PRDM16: variants seen among roughly 807,000 people sequenced by gnomAD.
PRDM16 encodes PR/SET domain 16.
Under a neutral mutation model 110.6 loss-of-function variants are expected in PRDM16, and 23 were observed. The ratio of observed to expected loss-of-function variants is 0.21; its 90% CI spans 0.15 to 0.29. PRDM16 has a LOEUF of 0.29. Among genes scored for constraint, PRDM16 ranks in the 10% least tolerant of loss-of-function variants. The pLI is 1.00. For synonymous variants in PRDM16, 799 were observed against 781.8 expected (o/e 1.02, Z -0.37); for missense variants, 1,615 against 1,794.3 (o/e 0.90, Z 1.81).
chr1:3,189,655 A>G (rs1405168464), intron 2 of PRDM16, among the ~76,000 whole-genome samples: 1 of 152,264 alleles, frequency 6.6e-6, no homozygotes, highest in African/African-American at 2.4e-5. Flanking sequence ...TAGTAAAGAT[A>G]ACAAGCAAAA....
At position 3,157,498 on chromosome 1, in the gene PRDM16, C is replaced by T. The variant is rs927936964; in HGVS notation, c.38-28627C>T. On this transcript the variant is annotated intron_variant, in intron 1 of 16. Coordinates refer to ENST00000270722, the MANE Select transcript of PRDM16 (RefSeq NM_022114.4). This position sits in a 1 kb window ranked among gnomAD's most constrained non-coding sequence, Gnocchi z 4.8. ...TCTTGAAAACAGACATGGGCCAGAT[C>T]CAGTTGTTTGGTAGGATAAGGTCTT... Among the ~76,000 whole-genome samples, 4 of 148,070 alleles carry T rather than the reference C, an allele frequency of 2.7e-5. No individual in the cohort carries two copies. Among genetic ancestry groups the T allele is most frequent in the African/African-American group, 7.6e-5 (3 of 39,734 alleles).
intron 1 of PRDM16, among the ~76,000 whole-genome samples, chr1:3,182,352 T>TGGAC (rs1160826404): frequency 2.6e-5 from 4 of 152,264 alleles, no homozygotes; most frequent in Non-Finnish European, 4.4e-5. Flanking sequence ...CCCTGGCAGG[T>TGGAC]GGACGGTGGT....
chr1:3,425,906 T>C lies in PRDM16; in HGVS notation c.3110-145T>C. On this transcript the variant is annotated intron_variant, in intron 13 of 16. Transcript: ENST00000270722. This position sits in a 1 kb window ranked among gnomAD's most constrained non-coding sequence, Gnocchi z 6.9. ...CAGGCACCCCTCAAACCGTGGTCAT[T>C]AAAGAGAACCTCGTGCTCTCCGGTG... The C allele has an allele frequency of 8.0e-7, 1 of 1,247,942 alleles. No homozygotes were observed. The allele number at this position is 1,247,942 out of a possible 1,614,324, so 77.3% of individuals were successfully genotyped here. A position where few individuals can be genotyped will look rare whatever the true frequency, so the allele number is the denominator to read the frequency against.
intron 2 of PRDM16, among the ~76,000 whole-genome samples, chr1:3,236,758 G>A (rs1012840637): frequency 2.9e-4 from 44 of 152,224 alleles, no homozygotes; most frequent in African/African-American, 9.4e-4. Context: ...TGTCAAATTC[G>A]GGAGGCTACT....
chr1:3,082,592 C>G (rs1220808231), intron 1 of PRDM16, among the ~76,000 whole-genome samples: 4 of 152,236 alleles, frequency 2.6e-5, no homozygotes, highest in African/African-American at 9.6e-5. Context: ...TCCTGGACTC[C>G]CTTGCTGGCA....
chr1:3,084,704 C>T lies in PRDM16; in HGVS notation c.37+15408C>T, dbSNP rs190424508. 1.8e-4 allele frequency among the ~76,000 whole-genome samples: 28 copies of T among 152,250 alleles called. No homozygotes were observed. The South Asian group carries it at 1.9e-3, about 10-fold the overall frequency. Reference sequence around the variant, plus strand: ...AGCGCTTATATCTAGGGCTCCCACCCGCTTCAAAAAACACAGTGGGGCAGA... The same window carrying T: ...AGCGCTTATATCTAGGGCTCCCACCTGCTTCAAAAAACACAGTGGGGCAGA... On this transcript the variant is annotated intron_variant, in intron 1 of 16. Coordinates refer to ENST00000270722, the MANE Select transcript of PRDM16 (RefSeq NM_022114.4).
intron 3 of PRDM16, among the ~76,000 whole-genome samples, chr1:3,374,083 A>G (rs1033321239): frequency 4.6e-5 from 7 of 152,178 alleles, no homozygotes; most frequent in Middle Eastern, 3.2e-3. Flanking sequence ...AGTGTGGTAT[A>G]TCGGCCAGCA....
At chr1:3,211,518 C>T (rs902241915) in intron 2 of PRDM16, among the ~76,000 whole-genome samples, 2 of 152,216 alleles carry the variant, frequency 1.3e-5, no homozygotes, top group Non-Finnish European at 2.9e-5. Context: ...GGGGCTGCAG[C>T]AGATTCGTGT....
chr1:3,271,101 T>C (rs1464485556), intron 3 of PRDM16, among the ~76,000 whole-genome samples: 2 of 152,176 alleles, frequency 1.3e-5, no homozygotes, highest in African/African-American at 4.8e-5. Flanking sequence ...GCAGGGGATA[T>C]GCGGTGGGAG....
At chr1:3,097,735 G>T (rs963997832) in intron 1 of PRDM16, among the ~76,000 whole-genome samples, 1 of 152,172 alleles carries the variant, frequency 6.6e-6, no homozygotes, top group African/African-American at 2.4e-5. Flanking sequence ...TCTCCCCGAG[G>T]CCTGGGAAGG....
chr1:3,276,555 G>T (rs187921865), intron 3 of PRDM16, among the ~76,000 whole-genome samples: 1 of 152,148 alleles, frequency 6.6e-6, no homozygotes, highest in African/African-American at 2.4e-5. Flanking sequence ...TAACTCCGCC[G>T]GTGTCTGACC....
chr1:3,304,970 C>G (rs542382158), intron 3 of PRDM16, among the ~76,000 whole-genome samples: 1 of 152,308 alleles, frequency 6.6e-6, no homozygotes, highest in East Asian at 1.9e-4. Context: ...GTGTCCCCAG[C>G]TGAAGCTGGA....
chr1:3,104,772 C>A (rs1342959650), intron 1 of PRDM16, among the ~76,000 whole-genome samples: 1 of 152,126 alleles, frequency 6.6e-6, no homozygotes, highest in East Asian at 1.9e-4. Flanking sequence ...CATTCCTGGG[C>A]CGTGGCCACC....
chr1:3,285,948 G>C (rs577472913), intron 3 of PRDM16, among the ~76,000 whole-genome samples: 34 of 152,316 alleles, frequency 2.2e-4, no homozygotes, highest in Non-Finnish European at 4.4e-4. Flanking sequence ...CCTGCGGCGT[G>C]ACACAAGGAA....
At chr1:3,315,283 T>C (rs1391162855) in intron 3 of PRDM16, among the ~76,000 whole-genome samples, 1 of 150,254 alleles carries the variant, frequency 6.7e-6, no homozygotes, top group Non-Finnish European at 1.5e-5. Flanking sequence ...CAAGCTGCCA[T>C]GGTTACTTTG....
chr1:3,130,046 C>A (rs1268182340), intron 1 of PRDM16, among the ~76,000 whole-genome samples: 1 of 152,176 alleles, frequency 6.6e-6, no homozygotes, highest in Non-Finnish European at 1.5e-5. Flanking sequence ...GGCCCAAGCA[C>A]CCCAGAGGGA....
At chr1:3,328,190 C>G (rs1418772775) in intron 3 of PRDM16, among the ~76,000 whole-genome samples, 1 of 152,256 alleles carries the variant, frequency 6.6e-6, no homozygotes, top group Non-Finnish European at 1.5e-5. Flanking sequence ...CCAGGCACCA[C>G]AGCCCTGTCC....
In PRDM16 at chr1:3,069,230, A is replaced by C; in HGVS notation, c.-30A>C. The C allele has an allele frequency of 6.3e-7, 1 of 1,574,998 alleles. No homozygotes were observed. Among genetic ancestry groups the C allele is most frequent in the Non-Finnish European group, 8.6e-7 (1 of 1,160,462 alleles). ...TGTGTGGCTGCTTCTGGACTCAAGGAGGAGGAGAGAGATTCCGCGAGCCGA... is the reference window on the plus strand; with the variant it reads ...TGTGTGGCTGCTTCTGGACTCAAGGCGGAGGAGAGAGATTCCGCGAGCCGA... On this transcript the variant is annotated 5_prime_UTR_variant, in exon 1 of 17. Coordinates refer to ENST00000270722, the MANE Select transcript of PRDM16 (RefSeq NM_022114.4). This position sits in a 1 kb window ranked among gnomAD's most constrained non-coding sequence, Gnocchi z 6.1.
At chr1:3,115,592 C>T (rs1315985224) in intron 1 of PRDM16, among the ~76,000 whole-genome samples, 4 of 152,366 alleles carry the variant, frequency 2.6e-5, no homozygotes, top group East Asian at 1.9e-4. Flanking sequence ...CGCCGGCCTC[C>T]GCCGTAAGCC....
Sources: gnomAD v4.1 joint callset for allele counts (sites outside exome capture counted in the v4.1 genomes callset) on GRCh38, gnomAD v4.1.1 for gene constraint, Gnocchi (gnomAD v3.1) non-coding constraint, MANE v1.5 for transcripts, NCBI Gene and HGNC (gene_info 2026-07-23, HGNC 2026-07-21) for gene names.